The following ST3GAL3 variants were observed in gnomAD, a reference collection of about 807,000 sequenced individuals.
ST3GAL3 encodes CMP-N-acetylneuraminate-beta-1,4-galactoside alpha-2,3-sialyltransferase.
ST3GAL3 carries 21 observed loss-of-function variants against 50.1 expected under a neutral mutation model. That is an observed-to-expected ratio of 0.42 (90% CI 0.30 to 0.60). The LOEUF is 0.60. ST3GAL3 is among the 20% of genes least tolerant of loss of function. ST3GAL3 has a pLI of 0.19. For synonymous variants in ST3GAL3, 183 were observed against 190.0 expected, an observed-to-expected ratio of 0.96 and a Z score of 0.30; for missense variants, 353 against 489.4, an observed-to-expected ratio of 0.72 and a Z score of 2.63.
At chr1:43,903,482 C>T (rs2078638575) in intron 9 of ST3GAL3, among the ~76,000 whole-genome samples, 1 of 152,212 alleles carries the variant, frequency 6.6e-6, no homozygotes, top group Admixed American at 6.5e-5. Flanking sequence ...AACCAGAAAG[C>T]CAGCCTCGCT....
intron 2 of ST3GAL3, among the ~76,000 whole-genome samples, chr1:43,787,670 A>C (rs556089089): frequency 1.3e-4 from 20 of 152,366 alleles, no homozygotes; most frequent in Admixed American, 1.0e-3. Flanking sequence ...GACTCTTTCC[A>C]GTAGACTGTC....
intron 2 of ST3GAL3, among the ~76,000 whole-genome samples, chr1:43,788,759 T>G (rs1436622185): frequency 6.6e-6 from 1 of 152,206 alleles, no homozygotes; most frequent in Non-Finnish European, 1.5e-5. Flanking sequence ...ACAGTCTTTG[T>G]CTTCAGGGAA....
intron 2 of ST3GAL3, among the ~76,000 whole-genome samples, chr1:43,762,148 A>G (rs1471948815): frequency 6.7e-6 from 1 of 150,020 alleles, no homozygotes; most frequent in African/African-American, 2.5e-5. Flanking sequence ...GCACGTGCCT[A>G]TAGTCCCAGC....
At chr1:43,858,430 G>A in intron 5 of ST3GAL3, 1 of 852,170 alleles carries the variant, frequency 1.2e-6, no homozygotes, top group South Asian at 1.9e-5. Flanking sequence ...AGTCCCTGGT[G>A]AGAGCAGGCA....
intron 3 of ST3GAL3, among the ~76,000 whole-genome samples, chr1:43,813,156 G>T (rs930588277): frequency 3.3e-5 from 5 of 152,072 alleles, no homozygotes; most frequent in African/African-American, 9.7e-5. Context: ...ACATTCTCTG[G>T]CCTCTCTGGA....
At chr1:43,845,407 G>C (rs1241820271) in intron 5 of ST3GAL3, among the ~76,000 whole-genome samples, 1 of 151,820 alleles carries the variant, frequency 6.6e-6, no homozygotes, top group Non-Finnish European at 1.5e-5. Flanking sequence ...CTTCTAAGTT[G>C]TTGAATTTAT....
At chr1:43,887,845 C>G (rs1452474145) in intron 5 of ST3GAL3, among the ~76,000 whole-genome samples, 1 of 152,116 alleles carries the variant, frequency 6.6e-6, no homozygotes. Context: ...CACCACTGTC[C>G]TTTCTGGGAG....
At chr1:43,784,444 G>A (rs2057013464) in intron 2 of ST3GAL3, among the ~76,000 whole-genome samples, 1 of 152,170 alleles carries the variant, frequency 6.6e-6, no homozygotes, top group South Asian at 2.1e-4. Context: ...GGGAGGCAGA[G>A]GTTGCAGTGA....
In ST3GAL3 at chr1:43,737,665, G is replaced by C. The variant is rs1679072612; in HGVS notation, c.118+1285G>C. The C allele has an allele frequency of 6.6e-6, 1 of 152,158 alleles. No homozygotes were observed. Among genetic ancestry groups the C allele is most frequent in the Non-Finnish European group, 1.5e-5 (1 of 68,024 alleles). 9.4% of individuals were successfully genotyped at this position (152,158 alleles called of 1,614,324 possible). A position where few individuals can be genotyped will look rare whatever the true frequency, so the allele number is the denominator to read the frequency against. On this transcript the variant is annotated intron_variant, in intron 2 of 11. Transcript: ENST00000347631. The surrounding 1 kb of genome is among the most constrained non-coding windows in gnomAD (Gnocchi z 4.0). ...TTGTATCAGTGAAATGCAGAATTCT[G>C]TATTTAGAGGCATTCATTGTCTGTA...
intron 2 of ST3GAL3, among the ~76,000 whole-genome samples, chr1:43,762,348 G>T (rs1220277205): frequency 6.6e-6 from 1 of 151,278 alleles, no homozygotes; most frequent in Admixed American, 6.6e-5. Context: ...AGGTATCAGA[G>T]ACTTATTTAG....
chr1:43,824,498 G>T (rs1246810561), intron 4 of ST3GAL3, among the ~76,000 whole-genome samples: 1 of 152,132 alleles, frequency 6.6e-6, no homozygotes, highest in Admixed American at 6.5e-5. Flanking sequence ...GAGAGGACAA[G>T]AAATCCAGAG....
At chr1:43,735,885 C>G (rs544287259) in intron 1 of ST3GAL3, among the ~76,000 whole-genome samples, 1 of 152,152 alleles carries the variant, frequency 6.6e-6, no homozygotes, top group African/African-American at 2.4e-5. Flanking sequence ...GGCAGGGAAA[C>G]GTGTTTGTGG....
intron 5 of ST3GAL3, among the ~76,000 whole-genome samples, chr1:43,885,053 G>C (rs1371918545): frequency 6.6e-6 from 1 of 152,220 alleles, no homozygotes; most frequent in Non-Finnish European, 1.5e-5. Flanking sequence ...CAGTGTTGAG[G>C]ACATTCACCT....
At chr1:43,920,159 C>T in intron 9 of ST3GAL3, 17 of 557,938 alleles carry the variant, frequency 3.0e-5, no homozygotes, top group South Asian at 9.9e-5. Context: ...CGACGACTCC[C>T]TTCGTATCCT....
rs553616362 is a variant in ST3GAL3 at position 43,776,630 on chromosome 1, A to C, written c.119-15472A>C. 2.0e-5 allele frequency among the ~76,000 whole-genome samples: 3 copies of C among 152,224 alleles called. No homozygotes were observed. The South Asian group carries it at 6.3e-4, about 32-fold the overall frequency. ...GAGTCACATGGTAACTCTATACTTA[A>C]CTTACTGAGGAACTGCCAGACTGCT... is the stretch of plus-strand genomic sequence containing the variant. On this transcript the variant is annotated intron_variant, in intron 2 of 11. Transcript: ENST00000347631.
At chr1:43,885,435 C>G (rs752178804) in intron 5 of ST3GAL3, among the ~76,000 whole-genome samples, 20 of 152,014 alleles carry the variant, frequency 1.3e-4, no homozygotes, top group Non-Finnish European at 2.8e-4. Context: ...GGCTGCCTCG[C>G]GTGCCGGGGT....
chr1:43,857,502 T>TCTTC (rs201810583), intron 5 of ST3GAL3, among the ~76,000 whole-genome samples: 7 of 109,960 alleles, frequency 6.4e-5, no homozygotes, highest in Non-Finnish European at 1.0e-4. Context: ...CTTCCTTCCC[T>TCTTC]CTTCCTTCCT....
chr1:43,733,824 G>A (rs1410663354), intron 1 of ST3GAL3, among the ~76,000 whole-genome samples: 1 of 152,194 alleles, frequency 6.6e-6, no homozygotes, highest in Non-Finnish European at 1.5e-5. Flanking sequence ...TCTCACTTAA[G>A]AACCTCTTTC....
intron 2 of ST3GAL3, among the ~76,000 whole-genome samples, chr1:43,744,070 C>T (rs952666211): frequency 3.3e-5 from 5 of 152,088 alleles, no homozygotes; most frequent in African/African-American, 1.2e-4. Flanking sequence ...AACAAAAAAG[C>T]CAACATGAAA....
Sources: allele counts gnomAD v4.1 joint callset (sites outside exome capture counted in the v4.1 genomes callset), GRCh38; gene constraint gnomAD v4.1.1; non-coding constraint Gnocchi (gnomAD v3.1); transcripts MANE v1.5; gene names NCBI Gene and HGNC (gene_info 2026-07-23, HGNC 2026-07-21).